CSMD1: variants seen among roughly 807,000 people sequenced by gnomAD.
CSMD1 encodes CUB and sushi domain-containing protein 1.
Under a neutral mutation model 417.5 loss-of-function variants are expected in CSMD1, and 213 were observed. The ratio of observed to expected loss-of-function variants is 0.51; its 90% confidence interval spans 0.46 to 0.57. The LOEUF (loss-of-function observed/expected upper bound fraction) is 0.57, where lower values mean the gene tolerates loss of function less well. CSMD1 is among the 20% of genes least tolerant of loss of function. The pLI is 0.00. For missense variants in CSMD1, 6,923 were observed against 4,529.7 expected, an observed-to-expected ratio of 1.53 and a Z score of -15.17; for synonymous variants, 2,862 against 1,736.8, an observed-to-expected ratio of 1.65 and a Z score of -16.11.
At chr8:3,309,409 C>T (rs558484004) in intron 23 of CSMD1, among the ~76,000 whole-genome samples, 4 of 152,190 alleles carry the variant, frequency 2.6e-5, no homozygotes, top group Non-Finnish European at 2.9e-5. Flanking sequence ...ATCCACACAA[C>T]AACAGAAACT....
intron 12 of CSMD1, among the ~76,000 whole-genome samples, chr8:3,410,226 A>C (rs1467308498): frequency 6.6e-6 from 1 of 152,232 alleles, no homozygotes; most frequent in African/African-American, 2.4e-5. Context: ...TTAACTACAC[A>C]GAATGTTTTC....
intron 68 of CSMD1, among the ~76,000 whole-genome samples, chr8:2,947,882 A>G (rs551767378): frequency 6.1e-4 from 92 of 151,944 alleles, no homozygotes; most frequent in African/African-American, 2.1e-3. Flanking sequence ...ATTTAATAAT[A>G]CTGTGGGTTG....
chr8:3,968,440 C>T (rs909812042), intron 5 of CSMD1, among the ~76,000 whole-genome samples: 7 of 152,132 alleles, frequency 4.6e-5, no homozygotes, highest in African/African-American at 1.7e-4. Context: ...CACTCAGCAA[C>T]CCACACAATG....
At chr8:3,697,888 T>C (rs912864344) in intron 7 of CSMD1, among the ~76,000 whole-genome samples, 2 of 152,036 alleles carry the variant, frequency 1.3e-5, no homozygotes, top group Non-Finnish European at 2.9e-5. Flanking sequence ...CTCTAGCCAT[T>C]ACGCAAAGTG....
At chr8:3,329,265 A>G (rs1053384518) in intron 23 of CSMD1, among the ~76,000 whole-genome samples, 6 of 152,272 alleles carry the variant, frequency 3.9e-5, no homozygotes, top group Non-Finnish European at 7.4e-5. Context: ...AGTGAACCCT[A>G]TAAGACACAT....
intron 1 of CSMD1, among the ~76,000 whole-genome samples, chr8:4,905,700 G>C (rs557738545): frequency 1.5e-4 from 22 of 151,566 alleles, no homozygotes; most frequent in African/African-American, 4.8e-4. Flanking sequence ...GGCGCCTGTA[G>C]TCCCAGCTCC....
chr8:3,660,202 C>G (rs1274720912), intron 7 of CSMD1, among the ~76,000 whole-genome samples: 2 of 152,064 alleles, frequency 1.3e-5, no homozygotes, highest in Non-Finnish European at 2.9e-5. Context: ...GGTTTGGGAG[C>G]CCGCAATTAT....
chr8:3,272,558 C>T (rs1801945086), intron 26 of CSMD1, among the ~76,000 whole-genome samples: 1 of 137,712 alleles, frequency 7.3e-6, no homozygotes, highest in African/African-American at 2.8e-5. Flanking sequence ...TCTTCCTACC[C>T]ATGAGCATGG....
At chr8:3,509,147 G>A (rs1178659537) in intron 10 of CSMD1, among the ~76,000 whole-genome samples, 1 of 152,144 alleles carries the variant, frequency 6.6e-6, no homozygotes, top group Admixed American at 6.5e-5. Flanking sequence ...GTATTCAGTA[G>A]ATAAGGTCAA....
At chr8:3,627,484 T>G (rs1400511325) in intron 7 of CSMD1, among the ~76,000 whole-genome samples, 2 of 152,194 alleles carry the variant, frequency 1.3e-5, no homozygotes, top group Admixed American at 6.5e-5. Flanking sequence ...GTGCTATTAT[T>G]TTTATTTATA....
chr8:3,491,368 G>T (rs1818370661), intron 11 of CSMD1, among the ~76,000 whole-genome samples: 1 of 151,998 alleles, frequency 6.6e-6, no homozygotes, highest in Non-Finnish European at 1.5e-5. Flanking sequence ...CAAATTCCCA[G>T]GATTATAGTA....
chr8:3,356,189 T>G (rs539368817), intron 21 of CSMD1, among the ~76,000 whole-genome samples: 2 of 152,322 alleles, frequency 1.3e-5, no homozygotes, highest in South Asian at 2.1e-4. Flanking sequence ...TTTGCCTCTT[T>G]TTTGCCACAG....
chr8:3,790,011 G>C (rs146557366), intron 5 of CSMD1, among the ~76,000 whole-genome samples: 11 of 152,132 alleles, frequency 7.2e-5, no homozygotes, highest in Non-Finnish European at 1.5e-4. Flanking sequence ...GATTACAGGC[G>C]TAAGCCACCA....
chr8:4,011,841 T>C (rs577518463), intron 4 of CSMD1, among the ~76,000 whole-genome samples: 24 of 152,284 alleles, frequency 1.6e-4, no homozygotes, highest in African/African-American at 5.5e-4. Flanking sequence ...ATCTTTGGTA[T>C]CCATTGGGAA....
chr8:4,738,486 C>A (rs1048634632), intron 1 of CSMD1, among the ~76,000 whole-genome samples: 5 of 152,050 alleles, frequency 3.3e-5, no homozygotes, highest in African/African-American at 9.7e-5. Context: ...ATCAGGAGAA[C>A]AGGATGGGGA....
At chr8:3,689,158 C>A (rs181584758) in intron 7 of CSMD1, among the ~76,000 whole-genome samples, 5 of 152,274 alleles carry the variant, frequency 3.3e-5, no homozygotes, top group African/African-American at 1.2e-4. Flanking sequence ...ACAACGCGCT[C>A]TAAGGTTGGG....
chr8:4,514,944 T>A (rs1803035130), intron 2 of CSMD1, among the ~76,000 whole-genome samples: 1 of 152,286 alleles, frequency 6.6e-6, no homozygotes, highest in South Asian at 2.1e-4. Flanking sequence ...TCATTACATA[T>A]CTCACCCAAG....
At chr8:3,641,024 CTTT>C (rs34851559) in intron 7 of CSMD1, among the ~76,000 whole-genome samples, 1,478 of 102,692 alleles carry the variant, frequency 0.014, 10 homozygotes, top group African/African-American at 0.051. Context: ...TCCTTTTTTC[CTTT>C]TTTTTTTTTT....
At chr8:3,614,522 A>C (rs1802043765) in intron 8 of CSMD1, among the ~76,000 whole-genome samples, 2 of 152,230 alleles carry the variant, frequency 1.3e-5, no homozygotes, top group African/African-American at 2.4e-5. Flanking sequence ...CATTGGCCTG[A>C]ATATTCACAA....
Sources: gnomAD v4.1 joint callset for allele counts (sites outside exome capture counted in the v4.1 genomes callset) on GRCh38, gnomAD v4.1.1 for gene constraint, MANE v1.5 for transcripts, NCBI Gene and HGNC (gene_info 2026-07-23, HGNC 2026-07-21) for gene names.